NAV3: variants seen among roughly 807,000 people sequenced by gnomAD.
NAV3 encodes the protein neuron navigator 3.
Under a neutral mutation model 244.7 loss-of-function variants are expected in NAV3, and 87 were observed. The observed-to-expected ratio is 0.36, with a 90% CI of 0.30 to 0.42. NAV3 has a LOEUF of 0.42. Ranked by LOEUF, NAV3 falls within the 20% of genes least tolerant of loss-of-function variation. The pLI is 1.00. For synonymous variants in NAV3, 1,126 were observed against 1,042.2 expected, an observed-to-expected ratio of 1.08 and a Z score of -1.55; for missense variants, 2,663 against 2,893.3, an observed-to-expected ratio of 0.92 and a Z score of 1.83.
At chr12:77,650,080 C>A (rs942161602) in intron 2 of NAV3, among the ~76,000 whole-genome samples, 2 of 152,148 alleles carry the variant, frequency 1.3e-5, no homozygotes, top group African/African-American at 4.8e-5. Context: ...CCTTCTATTG[C>A]TCCCTCCTGT....
At chr12:77,747,129 T>C (rs553062241) in intron 2 of NAV3, among the ~76,000 whole-genome samples, 12 of 152,332 alleles carry the variant, frequency 7.9e-5, no homozygotes, top group African/African-American at 2.6e-4. Context: ...GTCTGTTGTT[T>C]ATGTTTTGTG....
At chr12:77,750,583 C>A (rs1868798460) in intron 2 of NAV3, among the ~76,000 whole-genome samples, 1 of 151,698 alleles carries the variant, frequency 6.6e-6, no homozygotes, top group Non-Finnish European at 1.5e-5. Flanking sequence ...TGAAAGATAA[C>A]CCTGGGTAAG....
chr12:77,745,109 T>C (rs1868469095), intron 2 of NAV3, among the ~76,000 whole-genome samples: 1 of 152,014 alleles, frequency 6.6e-6, no homozygotes, highest in Admixed American at 6.6e-5. Context: ...TCTTAAAAAT[T>C]AATGATCTAG....
At chr12:77,749,017 C>T (rs7300140) in intron 2 of NAV3, among the ~76,000 whole-genome samples, 147,735 of 152,262 alleles carry the variant, frequency 0.97, 71,815 homozygotes, top group East Asian at 1. Flanking sequence ...TATACTTCTG[C>T]AAAGCGGGAG....
intron 28 of NAV3, among the ~76,000 whole-genome samples, chr12:78,178,609 C>T (rs941234936): frequency 6.6e-6 from 1 of 152,068 alleles, no homozygotes; most frequent in Admixed American, 6.6e-5. Context: ...TGAGATAATT[C>T]TCTGTGTTAT....
At chr12:77,675,584 T>G (rs1874169425) in intron 2 of NAV3, among the ~76,000 whole-genome samples, 1 of 152,218 alleles carries the variant, frequency 6.6e-6, no homozygotes, top group Non-Finnish European at 1.5e-5. Context: ...AAGATTGTCA[T>G]GTAAAACTGA....
intron 2 of NAV3, among the ~76,000 whole-genome samples, chr12:77,814,028 CT>C (rs919012401): frequency 2.6e-5 from 4 of 152,124 alleles, no homozygotes; most frequent in African/African-American, 9.7e-5. Context: ...AAAGCAGATC[CT>C]CAGGCTGCAC....
intron 2 of NAV3, among the ~76,000 whole-genome samples, chr12:77,792,849 A>T (rs1479040826): frequency 6.6e-6 from 1 of 152,156 alleles, no homozygotes; most frequent in East Asian, 1.9e-4. Flanking sequence ...ACACTAATAG[A>T]TGGGAGATTT....
At chr12:78,141,783 G>T (rs893775570) in intron 20 of NAV3, among the ~76,000 whole-genome samples, 5 of 152,144 alleles carry the variant, frequency 3.3e-5, no homozygotes, top group African/African-American at 1.2e-4. Context: ...ACACATAAAA[G>T]AAATATATTA....
At chr12:77,840,015 G>C (rs1048039723) in intron 1 of NAV3, among the ~76,000 whole-genome samples, 1 of 152,210 alleles carries the variant, frequency 6.6e-6, no homozygotes, top group Non-Finnish European at 1.5e-5. Context: ...GGAGGTTGTA[G>C]TGAGCCGAGA....
intron 1 of NAV3, among the ~76,000 whole-genome samples, chr12:77,837,430 G>C (rs1874850675): frequency 6.6e-6 from 1 of 152,016 alleles, no homozygotes; most frequent in African/African-American, 2.4e-5. Flanking sequence ...CCAATGGTTA[G>C]AGAATGGCTG....
chr12:77,573,973 C>A (rs1270167355), intron 2 of NAV3, among the ~76,000 whole-genome samples: 1 of 152,072 alleles, frequency 6.6e-6, no homozygotes, highest in Non-Finnish European at 1.5e-5. Context: ...AATGACACTT[C>A]GTTTACTAGG....
rs150620982 is a variant in NAV3 at position 77,898,822 on chromosome 12, G to A, written c.244-41497G>A. On this transcript the variant is annotated intron_variant, in intron 1 of 39. Coordinates refer to ENST00000397909, the MANE Select transcript of NAV3 (RefSeq NM_001024383.2). ...GTGATTCCTCTGATGGATCTGAGCAGAGTAAATTGAAAACCTTCTGGAAAG... is the reference window on the plus strand; with the variant it reads ...GTGATTCCTCTGATGGATCTGAGCAAAGTAAATTGAAAACCTTCTGGAAAG... Among the ~76,000 whole-genome samples, 403 of 152,302 alleles carry A rather than the reference G, an allele frequency of 2.6e-3. 4 individuals carry two copies. Among genetic ancestry groups the A allele is most frequent in the Middle Eastern group, 0.01 (3 of 294 alleles).
In NAV3 at chr12:78,122,214, G is replaced by A. The variant is rs764447866; in HGVS notation, c.4024G>A (p.Gly1342Ser). Residue 1342 changes from glycine to serine, a missense_variant, in exon 16 of 40, where the codon GGT becomes AGT. Physicochemically the swap from Gly to Ser is moderately conservative, Grantham distance 56. Coordinates refer to ENST00000397909, the MANE Select transcript of NAV3 (RefSeq NM_001024383.2). The stretch of plus-strand genomic sequence containing the variant: ...AGCATCGGTTCACTCTTTCACATCA[G>A]GTGGTCTCGTGTGGGCTGCCAATAT... The part of the protein sequence containing the change: ...SPASVHSFTS[G>S]GLVWAANMSS... The A allele has an allele frequency of 6.2e-7, 1 of 1,614,176 alleles. No homozygotes were observed.
chr12:77,821,633 A>G (rs1592712602), intron 2 of NAV3, among the ~76,000 whole-genome samples: 1 of 152,266 alleles, frequency 6.6e-6, no homozygotes, highest in Non-Finnish European at 1.5e-5. Context: ...CCACTCTTTT[A>G]TGTTTTAGCC....
chr12:77,771,645 A>C (rs372225923), intron 2 of NAV3, among the ~76,000 whole-genome samples: 2 of 152,070 alleles, frequency 1.3e-5, no homozygotes, highest in African/African-American at 4.8e-5. Context: ...CCATCATTCT[A>C]AGCAAACTAT....
At chr12:77,722,898 C>A (rs1876702265) in intron 2 of NAV3, among the ~76,000 whole-genome samples, 1 of 151,966 alleles carries the variant, frequency 6.6e-6, no homozygotes, top group East Asian at 1.9e-4. Flanking sequence ...TTTTCTTTTT[C>A]TTCATGCATA....
At chr12:78,197,211 A>T in intron 34 of NAV3, 36 bp from the exon 35 acceptor site, 1 of 1,464,724 alleles carries the variant, frequency 6.8e-7, no homozygotes, top group Non-Finnish European at 9.1e-7. Flanking sequence ...GTATAAATTT[A>T]TCACTGACGT....
intron 3 of NAV3, among the ~76,000 whole-genome samples, chr12:77,956,737 T>C (rs879782601): frequency 4.6e-5 from 7 of 151,452 alleles, no homozygotes; most frequent in Non-Finnish European, 5.9e-5. Flanking sequence ...TATTTATTTA[T>C]TTATTTATTT....
Sources: allele counts gnomAD v4.1 joint callset (sites outside exome capture counted in the v4.1 genomes callset), GRCh38; gene constraint gnomAD v4.1.1; transcripts MANE v1.5; gene names NCBI Gene and HGNC (gene_info 2026-07-23, HGNC 2026-07-21).